Variants in ANKRD45 observed in about 807,000 individuals in gnomAD.
ANKRD45 encodes ankyrin repeat domain 45.
ANKRD45 carries 21 observed loss-of-function variants against 28.1 expected under a neutral mutation model. The observed-to-expected ratio is 0.75, with a 90% CI of 0.53 to 1.08. The LOEUF is 1.08. ANKRD45 is among the 50% of genes least tolerant of loss of function. The pLI is 0.00. For missense variants in ANKRD45, 261 were observed against 308.7 expected (o/e 0.85, Z 1.16); for synonymous variants, 86 against 103.9 (o/e 0.83, Z 1.05).
rs569485602 is a variant in ANKRD45 at position 173,608,387 on chromosome 1, G to A, written c.*1758C>T. ...GGCTGGAATGCAGTGGTGCGATCTC[G>A]GCTCACTGCAACCTCCACCTCCCGG... On this transcript the variant is annotated 3_prime_UTR_variant, in exon 6 of 6. Transcript: ENST00000333279. Among the ~76,000 whole-genome samples, 6 of 152,098 alleles carry A rather than the reference G, an allele frequency of 3.9e-5. No individual in the cohort carries two copies. In the South Asian group the frequency reaches 6.2e-4, roughly 16 times the overall value.
At chr1:173,679,535 C>A in the ANKRD45 span, among the ~76,000 whole-genome samples, 1 of 152,108 alleles carries the variant, frequency 6.6e-6, no homozygotes, top group Non-Finnish European at 1.5e-5. Context: ...ACACCTTATG[C>A]AAAAATTAAC....
intron 3 of ANKRD45, among the ~76,000 whole-genome samples, chr1:173,646,294 A>G (rs1668919314): frequency 6.6e-6 from 1 of 152,244 alleles, no homozygotes; most frequent in African/African-American, 2.4e-5. Flanking sequence ...TGAATTTTCA[A>G]AGAAACATAC....
intron 4 of ANKRD45, among the ~76,000 whole-genome samples, chr1:173,626,018 G>C (rs1283739998): frequency 5.9e-5 from 9 of 151,998 alleles, no homozygotes; most frequent in Non-Finnish European, 7.4e-5. Context: ...CTATTTCTTT[G>C]TGTCAGGAAA....
At chr1:173,682,889 G>A in the ANKRD45 span, among the ~76,000 whole-genome samples, 1 of 151,952 alleles carries the variant, frequency 6.6e-6, no homozygotes, top group Non-Finnish European at 1.5e-5. Context: ...AGGTAGGCTT[G>A]TTATGTAAAT....
chr1:173,694,534 T>TTTATTATTATTA, the ANKRD45 span, among the ~76,000 whole-genome samples: 28 of 144,104 alleles, frequency 1.9e-4, no homozygotes, highest in Non-Finnish European at 3.0e-4. Flanking sequence ...ACTTAAGAAG[T>TTTATTATTATTA]TTATTATTAT....
chr1:173,693,664 G>A, the ANKRD45 span, among the ~76,000 whole-genome samples: 1 of 152,206 alleles, frequency 6.6e-6, no homozygotes, highest in Non-Finnish European at 1.5e-5. Flanking sequence ...ACTACCAAAT[G>A]CAGTTCAAAT....
At chr1:173,635,410 T>G in intron 3 of ANKRD45, 1 of 856,178 alleles carries the variant, frequency 1.2e-6, no homozygotes, top group Non-Finnish European at 1.7e-6. Flanking sequence ...GCTCCTGGTA[T>G]TTTCTGCTTC....
chr1:173,678,407 A>G, the ANKRD45 span, among the ~76,000 whole-genome samples: 624 of 152,356 alleles, frequency 4.1e-3, 2 homozygotes, highest in Non-Finnish European at 6.9e-3. Context: ...GCCTGGTTCA[A>G]CATACGCAAA....
the ANKRD45 span, among the ~76,000 whole-genome samples, chr1:173,697,653 C>T: frequency 6.6e-6 from 1 of 152,174 alleles, no homozygotes; most frequent in East Asian, 1.9e-4. Flanking sequence ...CTTACAAGAG[C>T]TCCTGAAGGA....
intron 1 of ANKRD45, among the ~76,000 whole-genome samples, chr1:173,663,311 C>T (rs1031598813): frequency 5.7e-4 from 86 of 152,142 alleles, no homozygotes; most frequent in African/African-American, 2.0e-3. Flanking sequence ...TTGAAGGGCA[C>T]TCATCGCAAG....
At chr1:173,694,586 T>C in the ANKRD45 span, among the ~76,000 whole-genome samples, 1 of 150,358 alleles carries the variant, frequency 6.7e-6, no homozygotes. Context: ...TCAATAGCTT[T>C]AGAGGTATGT....
At chr1:173,702,049 C>G in the ANKRD45 span, among the ~76,000 whole-genome samples, 1 of 152,072 alleles carries the variant, frequency 6.6e-6, no homozygotes, top group Middle Eastern at 3.2e-3. Context: ...CACTGGTGAA[C>G]ACGTAAGTGT....
intron 3 of ANKRD45, among the ~76,000 whole-genome samples, chr1:173,629,370 A>G (rs1192511536): frequency 6.6e-6 from 1 of 152,220 alleles, no homozygotes; most frequent in East Asian, 1.9e-4. Context: ...AGAATTCAAA[A>G]TAGGTATTTT....
At chr1:173,635,374 T>C (rs1249728852) in intron 3 of ANKRD45, 3 of 651,066 alleles carry the variant, frequency 4.6e-6, no homozygotes, top group Non-Finnish European at 7.7e-6. Context: ...TGAAGTGCTT[T>C]TATTGAAGCA....
At chr1:173,646,774 C>T in intron 3 of ANKRD45, 72 bp downstream of exon 3, 1 of 1,454,678 alleles carries the variant, frequency 6.9e-7, no homozygotes, top group Admixed American at 1.9e-5. Context: ...AAAAAGGTGA[C>T]ATATCCTGTA....
chr1:173,694,826 A>G, the ANKRD45 span, among the ~76,000 whole-genome samples: 1 of 152,138 alleles, frequency 6.6e-6, no homozygotes, highest in Non-Finnish European at 1.5e-5. Context: ...TTGGTTTTCC[A>G]TAACCATGGA....
At chr1:173,674,485 C>T (rs1370805612), upstream of ANKRD45, among the ~76,000 whole-genome samples, 1 of 152,234 alleles carries the variant, frequency 6.6e-6, no homozygotes, top group Admixed American at 6.5e-5. Context: ...GTCCTGATAA[C>T]ATGTGCCCAA....
intron 3 of ANKRD45, 43 bp from the exon 4 acceptor site, chr1:173,627,202 A>G: frequency 7.5e-7 from 1 of 1,341,292 alleles, no homozygotes; most frequent in Non-Finnish European, 1.1e-6. Flanking sequence ...AGACAAACAC[A>G]AGAGGCAAAG....
intron 2 of ANKRD45, among the ~76,000 whole-genome samples, chr1:173,647,302 C>G (rs1668980092): frequency 6.6e-6 from 1 of 152,210 alleles, no homozygotes; most frequent in Admixed American, 6.5e-5. Context: ...CCAGCATAGA[C>G]TGTCTGAAGG....
Sources: gnomAD v4.1 joint callset for allele counts (sites outside exome capture counted in the v4.1 genomes callset) on GRCh38, gnomAD v4.1.1 for gene constraint, MANE v1.5 for transcripts, NCBI Gene and HGNC (gene_info 2026-07-23, HGNC 2026-07-21) for gene names.